The following CNTN4 variants were observed in gnomAD, a reference collection of about 807,000 sequenced individuals.
The protein encoded by CNTN4 is contactin-4.
A neutral mutation model predicts 122.5 loss-of-function variants in CNTN4; 77 were observed. The observed-to-expected ratio is 0.63, with a 90% CI of 0.52 to 0.76. The LOEUF (loss-of-function observed/expected upper bound fraction) is 0.76, where lower values mean the gene tolerates loss of function less well. CNTN4 is among the 30% of genes least tolerant of loss of function. The pLI, the probability that CNTN4 is intolerant of heterozygous loss-of-function variation, is 0.00. For synonymous variants in CNTN4, 512 were observed against 447.0 expected (o/e 1.15, Z -1.83); for missense variants, 1,256 against 1,259.1 (o/e 1.00, Z 0.04).
intron 2 of CNTN4, among the ~76,000 whole-genome samples, chr3:2,159,516 C>T (rs759445851): frequency 1.4e-4 from 22 of 152,124 alleles, no homozygotes; most frequent in Non-Finnish European, 2.9e-4. Context: ...CAAAAGGCAT[C>T]AGAAGTTTGG....
At chr3:2,851,772 A>G (rs921664859) in intron 7 of CNTN4, among the ~76,000 whole-genome samples, 3 of 152,230 alleles carry the variant, frequency 2.0e-5, no homozygotes, top group Non-Finnish European at 4.4e-5. Flanking sequence ...TTTCCACTGC[A>G]CTGTAAAAGA....
intron 2 of CNTN4, among the ~76,000 whole-genome samples, chr3:2,203,669 G>A (rs1331136745): frequency 6.6e-6 from 1 of 152,046 alleles, no homozygotes; most frequent in Non-Finnish European, 1.5e-5. Flanking sequence ...CAGGCACTAA[G>A]TCAGCTCACT....
chr3:2,736,234 C>A lies in CNTN4; in HGVS notation c.75C>A (p.Gly25=). 6.2e-7 allele frequency: 1 copy of A among 1,613,540 alleles called. No homozygotes were observed. The highest frequency in any genetic ancestry group is 8.5e-7 in the Non-Finnish European group (1 of 1,179,706). Residue 25 remains glycine, a synonymous_variant, in exon 5 of 25, where the codon GGC becomes GGA. Coordinates refer to ENST00000418658, the MANE Select transcript of CNTN4 (RefSeq NM_175607.3). ...LCLADDSTLH[G]PIFIQEPSPV... The stretch of plus-strand genomic sequence containing the variant: ...TTTCAGATGATTCCACACTGCATGG[C>A]CCGATTTTTATTCAAGAACCAAGTC...
intron 12 of CNTN4, among the ~76,000 whole-genome samples, chr3:2,904,230 A>G (rs992438134): frequency 1.3e-5 from 2 of 152,224 alleles, no homozygotes; most frequent in African/African-American, 4.8e-5. Flanking sequence ...AGAGAAAAAC[A>G]GCACACAAAG....
chr3:2,955,032 T>C (rs1336016959), intron 13 of CNTN4, among the ~76,000 whole-genome samples: 2 of 152,176 alleles, frequency 1.3e-5, no homozygotes, highest in Non-Finnish European at 2.9e-5. Context: ...GCAGCCAGGT[T>C]ATCTGGCAGC....
At chr3:2,943,226 A>C (rs2094634326) in intron 13 of CNTN4, among the ~76,000 whole-genome samples, 1 of 152,172 alleles carries the variant, frequency 6.6e-6, no homozygotes, top group African/African-American at 2.4e-5. Context: ...AACAACAAAG[A>C]AGGCTGGGTA....
At chr3:3,031,965 C>T (rs562058680) in intron 16 of CNTN4, among the ~76,000 whole-genome samples, 7 of 152,262 alleles carry the variant, frequency 4.6e-5, no homozygotes, top group Non-Finnish European at 1.0e-4. Context: ...TATTGGAAGC[C>T]ATAAAGAGTG....
chr3:2,667,734 T>G (rs201498686), intron 4 of CNTN4, among the ~76,000 whole-genome samples: 17,710 of 85,912 alleles, frequency 0.21, 2,967 homozygotes, highest in African/African-American at 0.28. Flanking sequence ...GGTTTAACGT[T>G]TAAATCTTTA....
rs1245215610 is a variant in CNTN4 at position 2,195,768 on chromosome 3, C to T, written c.-145+95129C>T. Among the ~76,000 whole-genome samples, 6 of 152,296 alleles carry T rather than the reference C, an allele frequency of 3.9e-5. No homozygotes were observed. In the South Asian group the frequency reaches 6.2e-4, roughly 16 times the overall value. On this transcript the variant is annotated intron_variant, in intron 2 of 24. Coordinates refer to ENST00000418658, the MANE Select transcript of CNTN4 (RefSeq NM_175607.3). ...TGCCATCAAAAACAAAGGAGCTTGG[C>T]TTCCTAATATTTTAAGAGAAAATAT...
intron 3 of CNTN4, among the ~76,000 whole-genome samples, chr3:2,373,534 C>G (rs1000670064): frequency 6.6e-6 from 1 of 152,162 alleles, no homozygotes; most frequent in Non-Finnish European, 1.5e-5. Flanking sequence ...TGTTGCGAAG[C>G]AAGCTGCAGT....
chr3:2,208,456 A>T (rs1371233537), intron 2 of CNTN4, among the ~76,000 whole-genome samples: 1 of 152,152 alleles, frequency 6.6e-6, no homozygotes, highest in East Asian at 1.9e-4. Flanking sequence ...GTTCTGATGG[A>T]TGAGCAAACA....
intron 3 of CNTN4, among the ~76,000 whole-genome samples, chr3:2,384,761 C>CGTGTGTGT (rs67019083): frequency 5.1e-4 from 76 of 147,902 alleles, no homozygotes; most frequent in African/African-American, 7.0e-4. Flanking sequence ...TCAATGTGTG[C>CGTGTGTGT]GTGTGTGTGT....
intron 3 of CNTN4, among the ~76,000 whole-genome samples, chr3:2,388,138 G>A (rs1210385934): frequency 6.6e-6 from 1 of 152,142 alleles, no homozygotes; most frequent in African/African-American, 2.4e-5. Context: ...GTCTGCAGAA[G>A]GTCCTTCAAG....
intron 3 of CNTN4, among the ~76,000 whole-genome samples, chr3:2,412,149 G>C (rs907168437): frequency 6.6e-6 from 1 of 152,076 alleles, no homozygotes; most frequent in Admixed American, 6.6e-5. Context: ...CATGTATCAG[G>C]AGTGTGTTCT....
At chr3:2,773,124 T>C (rs919438605) in intron 6 of CNTN4, among the ~76,000 whole-genome samples, 8 of 146,324 alleles carry the variant, frequency 5.5e-5, no homozygotes, top group Non-Finnish European at 1.1e-4. Flanking sequence ...GTTAATCTTT[T>C]GGTGGGGGGG....
At chr3:2,396,076 G>A (rs571675946) in intron 3 of CNTN4, among the ~76,000 whole-genome samples, 5 of 151,088 alleles carry the variant, frequency 3.3e-5, no homozygotes, top group South Asian at 4.2e-4. Flanking sequence ...CCTCAGTGTC[G>A]TACAATGACA....
rs573680022 is a variant in CNTN4 at position 3,056,472 on chromosome 3, A to G, written c.*252A>G. On this transcript the variant is annotated 3_prime_UTR_variant, in exon 25 of 25. Transcript: ENST00000418658. ...ATATGATGTTACCAAAGCAGTTTACATATGTCCTTATATGCATATTTTTTA... is the reference window on the plus strand; with the variant it reads ...ATATGATGTTACCAAAGCAGTTTACGTATGTCCTTATATGCATATTTTTTA... 1.1e-4 allele frequency: 33 copies of G among 295,804 alleles called. No individual in the cohort carries two copies. The South Asian group carries it at 1.8e-3, about 17-fold the overall frequency. The allele number at this position is 295,804 out of a possible 1,614,324, so 18.3% of individuals were successfully genotyped here.
chr3:2,520,401 T>A (rs910881023), intron 3 of CNTN4, among the ~76,000 whole-genome samples: 2 of 150,930 alleles, frequency 1.3e-5, no homozygotes, highest in Non-Finnish European at 2.9e-5. Flanking sequence ...GCCTCCTGGG[T>A]AGCTGGGATT....
At chr3:2,400,052 G>T in intron 3 of CNTN4, among the ~76,000 whole-genome samples, 1 of 151,846 alleles carries the variant, frequency 6.6e-6, no homozygotes, top group Non-Finnish European at 1.5e-5. Context: ...TACGGGCTTG[G>T]GTTTTCCCAG....
Sources: allele counts gnomAD v4.1 joint callset (sites outside exome capture counted in the v4.1 genomes callset), GRCh38; gene constraint gnomAD v4.1.1; transcripts MANE v1.5; gene names NCBI Gene and HGNC (gene_info 2026-07-23, HGNC 2026-07-21).